CHAC2: variants seen among roughly 807,000 people sequenced by gnomAD.
The protein encoded by CHAC2 is ChaC glutathione specific gamma-glutamylcyclotransferase 2.
Under a neutral mutation model 16.9 loss-of-function variants are expected in CHAC2, and 20 were observed. The ratio of observed to expected loss-of-function variants is 1.18; its 90% CI spans 0.83 to 1.72. The LOEUF is 1.72. Ranked by LOEUF, CHAC2 falls within the 40% of genes most tolerant of loss-of-function variation. The pLI is 0.00. For synonymous variants in CHAC2, 91 were observed against 77.3 expected, an observed-to-expected ratio of 1.18 and a Z score of -0.93; for missense variants, 269 against 222.2, an observed-to-expected ratio of 1.21 and a Z score of -1.34.
At position 53,774,465 on chromosome 2, in the gene CHAC2, C is replaced by T. The variant is rs113078356; in HGVS notation, c.495C>T (p.Phe165=). ...LVPEEADEHL[F]ALEKLVKERL... is the part of the protein sequence containing the mutation. ...CAGAAGAAGCAGATGAGCATCTTTT[C>T]GCTTTGGAAAAATTAGTAAAGGAAC... Residue 165 remains phenylalanine (F), a synonymous_variant, in exon 3 of 3, where the codon TTC becomes TTT. Coordinates refer to ENST00000295304, the MANE Select transcript of CHAC2 (RefSeq NM_001008708.4). The T allele has an allele frequency of 7.5e-5, 119 of 1,591,536 alleles. 1 individual carries two copies. In the African/African-American group the frequency reaches 1.2e-3, roughly 16 times the overall value.
chr2:53,774,438 G>A lies in CHAC2; in HGVS notation c.468G>A (p.Val156=), dbSNP rs148747305. ...TTGCAAATTCTATTAGGAACCTTGT[G>A]CCAGAAGAAGCAGATGAGCATCTTT... The part of the protein sequence containing the change: ...FELANSIRNL[V]PEEADEHLFA... Residue 156 remains valine, a synonymous_variant, in exon 3 of 3, where the codon GTG becomes GTA. Transcript: ENST00000295304. The A allele has an allele frequency of 4.0e-4, 650 of 1,609,318 alleles. 1 individual carries two copies. Among genetic ancestry groups the A allele is most frequent in the Non-Finnish European group, 5.1e-4 (604 of 1,178,850 alleles).
chr2:53,774,021 A>G, intron 2 of CHAC2, 121 bp from the exon 3 acceptor site: 1 of 1,127,052 alleles, frequency 8.9e-7, no homozygotes, highest in African/African-American at 1.6e-5. Context: ...GGCAACAGAC[A>G]AGACTTCATC....
chr2:53,769,673 C>G (rs905818710), intron 1 of CHAC2, among the ~76,000 whole-genome samples: 11 of 152,174 alleles, frequency 7.2e-5, no homozygotes, highest in Non-Finnish European at 1.3e-4. Context: ...ATGGAGAAAC[C>G]CCCTGTCTAC....
At position 53,774,453 on chromosome 2, in the gene CHAC2, T is replaced by C. The variant is rs758133659; in HGVS notation, c.483T>C (p.Asp161=). 1.9e-6 allele frequency: 3 copies of C among 1,602,646 alleles called. No individual in the cohort carries two copies. Among genetic ancestry groups the C allele is most frequent in the African/African-American group, 1.3e-5 (1 of 74,152 alleles). ...SIRNLVPEEA[D]EHLFALEKLV... is the part of the protein sequence containing the mutation. ...GGAACCTTGTGCCAGAAGAAGCAGA[T>C]GAGCATCTTTTCGCTTTGGAAAAAT... The change falls in exon 3 of 3, where the codon GAT becomes GAC. Residue 161 remains aspartate (D), a synonymous_variant. Coordinates refer to ENST00000295304, the MANE Select transcript of CHAC2 (RefSeq NM_001008708.4).
At chr2:53,768,152 C>G in intron 1 of CHAC2, 131 bp downstream of exon 1, 1 of 1,078,890 alleles carries the variant, frequency 9.3e-7, no homozygotes, top group Non-Finnish European at 1.3e-6. Context: ...CTTGGGGTAA[C>G]ATTTCTGTAG....
intron 1 of CHAC2, 42 bp downstream of exon 1, chr2:53,768,063 C>T (rs1329085555): frequency 6.2e-7 from 1 of 1,605,030 alleles, no homozygotes; most frequent in Non-Finnish European, 8.5e-7. Flanking sequence ...GCCCCCTGAC[C>T]CCTGCTCCCC....
At chr2:53,771,858 A>C (rs145853721) in intron 1 of CHAC2, 49 bp from the exon 2 acceptor site, 104 of 1,064,306 alleles carry the variant, frequency 9.8e-5, no homozygotes, top group Non-Finnish European at 1.6e-5. Flanking sequence ...TCAGCTACTT[A>C]ATGAACTTTA....
chr2:53,772,268 G>A (rs547325889), intron 2 of CHAC2, among the ~76,000 whole-genome samples: 5 of 152,096 alleles, frequency 3.3e-5, no homozygotes, highest in Admixed American at 2.0e-4. Context: ...TCCGCCTCCC[G>A]GGTTCACGCC....
chr2:53,773,970 G>A (rs771033701), intron 2 of CHAC2, among the ~76,000 whole-genome samples, 172 bp from the exon 3 acceptor site: 50 of 152,122 alleles, frequency 3.3e-4, no homozygotes, highest in Non-Finnish European at 6.3e-4. Context: ...GGGAGGCTGA[G>A]GTTGCAGTAG....
upstream of CHAC2, chr2:53,767,802 T>C: frequency 1.3e-6 from 2 of 1,512,786 alleles, no homozygotes; most frequent in Non-Finnish European, 1.8e-6. Context: ...GCGCGGCCGG[T>C]TACTCGCTTA....
chr2:53,773,133 T>G (rs150600892), intron 2 of CHAC2, among the ~76,000 whole-genome samples: 27 of 152,280 alleles, frequency 1.8e-4, no homozygotes, highest in African/African-American at 6.3e-4. Context: ...ACGAAAAGCA[T>G]TTATAAAAAA....
intron 1 of CHAC2, among the ~76,000 whole-genome samples, chr2:53,769,361 A>C (rs545661786): frequency 6.6e-6 from 1 of 152,298 alleles, no homozygotes; most frequent in Non-Finnish European, 1.5e-5. Context: ...CGAAAAGAAA[A>C]CCTTTAGCCC....
At position 53,767,819 on chromosome 2, in the gene CHAC2, G is replaced by T; in HGVS notation, c.-68G>T. Reference sequence around the variant, plus strand: ...GCGGCCGGTTACTCGCTTACCGGAGGCTTCAGTCCCCGGCGGCGCGGCGAC... The same window carrying T: ...GCGGCCGGTTACTCGCTTACCGGAGTCTTCAGTCCCCGGCGGCGCGGCGAC... On this transcript the variant is annotated 5_prime_UTR_variant, in exon 1 of 3. Coordinates refer to ENST00000295304, the MANE Select transcript of CHAC2 (RefSeq NM_001008708.4). The T allele has an allele frequency of 6.5e-7, 1 of 1,535,328 alleles. No individual in the cohort carries two copies. The highest frequency in any genetic ancestry group is 8.8e-7 in the Non-Finnish European group (1 of 1,134,734).
chr2:53,773,786 G>C (rs1448346584), intron 2 of CHAC2, among the ~76,000 whole-genome samples: 1 of 150,702 alleles, frequency 6.6e-6, no homozygotes, highest in African/African-American at 2.4e-5. Flanking sequence ...TGTAATCCCA[G>C]CACACTGGGA....
chr2:53,774,188 A>G lies in CHAC2; in HGVS notation c.218A>G (p.Glu73Gly), dbSNP rs1419887007. The G allele has an allele frequency of 1.9e-6, 3 of 1,613,052 alleles. No individual in the cohort carries two copies. The highest frequency in any genetic ancestry group is 1.7e-6 in the Non-Finnish European group (2 of 1,179,604). The change falls in exon 3 of 3, where the codon GAA becomes GGA. Residue 73 changes from glutamate to glycine, a missense_variant. Physicochemically the swap from Glu to Gly is moderately conservative, Grantham distance 98 (BLOSUM62 -2). Transcript: ENST00000295304. ...TACAGATTGCCAGTAGGAAAGGAAG[A>G]AGAAGTAAAAGCATACCTTGACTTC... is the stretch of plus-strand genomic sequence containing the variant. The part of the protein sequence containing the change: ...VAYRLPVGKE[E>G]EVKAYLDFRE...
Position 53,774,540 on chromosome 2 carries a change from A to T in CHAC2, c.*15A>T. ...ATTGCATATAATTTAGTCTTCAGAG[A>T]ATTAACTTCAGTGCACAATGACAAT... On this transcript the variant is annotated 3_prime_UTR_variant, in exon 3 of 3. Transcript: ENST00000295304. The T allele has an allele frequency of 6.6e-7, 1 of 1,504,846 alleles. No individual in the cohort carries two copies. The highest frequency in any genetic ancestry group is 8.9e-7 in the Non-Finnish European group (1 of 1,126,516). The allele number at this position is 1,504,846 out of a possible 1,614,324, so 93.2% of individuals were successfully genotyped here.
intron 1 of CHAC2, among the ~76,000 whole-genome samples, chr2:53,768,512 A>C (rs1005889142): frequency 6.6e-5 from 10 of 152,196 alleles, no homozygotes; most frequent in Non-Finnish European, 1.5e-4. Flanking sequence ...GGATTTCTTT[A>C]CATCTTTCAA....
chr2:53,771,643 C>T (rs908233166), intron 1 of CHAC2, among the ~76,000 whole-genome samples: 2 of 151,984 alleles, frequency 1.3e-5, no homozygotes, highest in African/African-American at 4.8e-5. Context: ...GTATGTTTTC[C>T]AATATATCCA....
intron 1 of CHAC2, among the ~76,000 whole-genome samples, chr2:53,771,495 T>A (rs1305459258): frequency 6.6e-6 from 1 of 152,050 alleles, no homozygotes; most frequent in East Asian, 1.9e-4. Context: ...CCTGGGCTTG[T>A]TGAGCAAAAC....
Sources: allele counts gnomAD v4.1 joint callset (sites outside exome capture counted in the v4.1 genomes callset), GRCh38; gene constraint gnomAD v4.1.1; transcripts MANE v1.5; gene names NCBI Gene and HGNC (gene_info 2026-07-23, HGNC 2026-07-21).